The following RABEP1 variants were observed in gnomAD, a reference collection of about 807,000 sequenced individuals.
RABEP1 encodes rab GTPase-binding effector protein 1.
In RABEP1, 51 loss-of-function variants were observed where a neutral mutation model predicts 123.4. The observed-to-expected ratio is 0.41, with a 90% confidence interval of 0.33 to 0.52. The LOEUF is 0.52. RABEP1 is among the 20% of genes least tolerant of loss of function. The pLI is 0.16. For synonymous variants in RABEP1, 347 were observed against 355.2 expected (o/e 0.98, Z 0.26); for missense variants, 888 against 996.3 (o/e 0.89, Z 1.46).
In RABEP1 at chr17:5,361,401, C is replaced by G; in HGVS notation, c.1289C>G (p.Ser430Cys). Reference protein sequence around the residue: ...KALGYNYKAKSAGNLDESDFG... With the variant: ...KALGYNYKAKCAGNLDESDFG... ...TTAGGCTATAACTACAAAGCAAAAT[C>G]TGCTGGAAACCTGGACGAGTCAGAT... The change falls in exon 9 of 18, where the codon TCT becomes TGT. Residue 430 changes from serine (S) to cysteine (C), a missense_variant. Ser to Cys is a moderately radical substitution (Grantham distance 112). Coordinates refer to ENST00000537505, the MANE Select transcript of RABEP1 (RefSeq NM_004703.6). The G allele has an allele frequency of 6.2e-7, 1 of 1,614,184 alleles. No homozygotes were observed. The highest frequency in any genetic ancestry group is 8.5e-7 in the Non-Finnish European group (1 of 1,180,026).
intron 1 of RABEP1, among the ~76,000 whole-genome samples, 176 bp from the exon 2 acceptor site, chr17:5,308,518 G>T (rs975577938): frequency 1.3e-5 from 2 of 152,170 alleles, no homozygotes; most frequent in Non-Finnish European, 2.9e-5. Flanking sequence ...GAGCCACCAT[G>T]CCTGGTCTGT....
intron 5 of RABEP1, among the ~76,000 whole-genome samples, chr17:5,346,459 G>A (rs529028889): frequency 6.6e-6 from 1 of 152,292 alleles, no homozygotes; most frequent in South Asian, 2.1e-4. Context: ...CATACCTGGT[G>A]TTACTGTTAT....
At chr17:5,301,903 T>C (rs2075138230) in intron 1 of RABEP1, among the ~76,000 whole-genome samples, 1 of 152,174 alleles carries the variant, frequency 6.6e-6, no homozygotes, top group Non-Finnish European at 1.5e-5. Context: ...ATTAATCTTA[T>C]GGGATAACAA....
At chr17:5,309,618 A>C (rs2144524155) in intron 2 of RABEP1, among the ~76,000 whole-genome samples, 1 of 150,458 alleles carries the variant, frequency 6.6e-6, no homozygotes, top group South Asian at 2.1e-4. Flanking sequence ...GCGCCATTGC[A>C]CTCCAGCGTG....
intron 2 of RABEP1, among the ~76,000 whole-genome samples, chr17:5,326,322 G>A (rs1372025674): frequency 6.6e-6 from 1 of 152,140 alleles, no homozygotes; most frequent in Admixed American, 6.5e-5. Flanking sequence ...AAAGGAATGA[G>A]CTATTAAGTC....
chr17:5,308,624 T>C (rs1464597616), intron 1 of RABEP1, 70 bp from the exon 2 acceptor site: 2 of 1,392,780 alleles, frequency 1.4e-6, no homozygotes, highest in African/African-American at 1.5e-5. Context: ...ACAGCTAGAA[T>C]ACTAATTTAC....
chr17:5,377,592 T>C (rs1911107066), intron 14 of RABEP1, among the ~76,000 whole-genome samples: 2 of 148,312 alleles, frequency 1.3e-5, no homozygotes, highest in African/African-American at 5.0e-5. Flanking sequence ...AATGGCGCGA[T>C]CTTGGCTCAC....
Position 5,313,562 on chromosome 17 carries a change from C to G in RABEP1, c.163+4740C>G, listed in dbSNP as rs530972880. On this transcript the variant is annotated intron_variant, in intron 2 of 17. Coordinates refer to ENST00000537505, the MANE Select transcript of RABEP1 (RefSeq NM_004703.6). ...GAAAATGACTAAGAACCTCCCATTTCTGAAATGCATTATCAACTGCAGTTT... is the reference window on the plus strand; with the variant it reads ...GAAAATGACTAAGAACCTCCCATTTGTGAAATGCATTATCAACTGCAGTTT... Among the ~76,000 whole-genome samples the G allele has an allele frequency of 4.7e-4, 71 of 152,178 alleles. 1 individual carries two copies. Among genetic ancestry groups the G allele is most frequent in the Admixed American group, 1.2e-3 (18 of 15,274 alleles).
intron 15 of RABEP1, among the ~76,000 whole-genome samples, chr17:5,379,360 G>A (rs1257723244): frequency 2.6e-5 from 4 of 152,240 alleles, no homozygotes; most frequent in East Asian, 3.9e-4. Flanking sequence ...GCGCAGTGCC[G>A]GGCCTTGAAC....
intron 12 of RABEP1, among the ~76,000 whole-genome samples, chr17:5,368,768 A>G (rs1211371460): frequency 6.6e-6 from 1 of 152,226 alleles, no homozygotes; most frequent in Non-Finnish European, 1.5e-5. Context: ...AATAAAAGCT[A>G]AAAAATTGAA....
intron 1 of RABEP1, among the ~76,000 whole-genome samples, chr17:5,292,758 T>C (rs542305288): frequency 6.6e-6 from 1 of 152,284 alleles, no homozygotes; most frequent in Non-Finnish European, 1.5e-5. Context: ...CTTGCCCGAT[T>C]GCAATCTCTG....
intron 1 of RABEP1, among the ~76,000 whole-genome samples, chr17:5,287,258 C>A (rs887918907): frequency 2.6e-5 from 4 of 152,104 alleles, no homozygotes; most frequent in African/African-American, 9.7e-5. Context: ...AAAAAAATCA[C>A]TCTGGGCCAA....
intron 2 of RABEP1, among the ~76,000 whole-genome samples, chr17:5,310,235 C>T (rs950252150): frequency 3.4e-5 from 5 of 149,214 alleles, no homozygotes; most frequent in Non-Finnish European, 1.5e-5. Context: ...AAATTTTTTG[C>T]TTGAAAAGAT....
chr17:5,340,543 G>A (rs778137504), intron 5 of RABEP1, among the ~76,000 whole-genome samples: 1 of 151,060 alleles, frequency 6.6e-6, no homozygotes, highest in Non-Finnish European at 1.5e-5. Flanking sequence ...AGGTATTTAC[G>A]CTAAAATGAT....
intron 17 of RABEP1, chr17:5,381,710 T>C: frequency 1.3e-6 from 1 of 743,598 alleles, no homozygotes; most frequent in Non-Finnish European, 1.9e-6. Context: ...TCTGTATGCC[T>C]TGCCAATTTT....
In RABEP1 at chr17:5,369,692, T is replaced by C. The variant is rs1032808847; in HGVS notation, c.1884+1224T>C. Reference sequence around the variant, plus strand: ...CCTTCGACCCCTTGCATCTTTTTCCTTCTTGTCTTTTTTTTTTTCTTTTTT... The same window carrying C: ...CCTTCGACCCCTTGCATCTTTTTCCCTCTTGTCTTTTTTTTTTTCTTTTTT... On this transcript the variant is annotated intron_variant, in intron 12 of 17. Coordinates refer to ENST00000537505, the MANE Select transcript of RABEP1 (RefSeq NM_004703.6). Among the ~76,000 whole-genome samples the C allele has an allele frequency of 2.0e-5, 3 of 152,114 alleles. No homozygotes were observed. In the East Asian group the frequency reaches 5.8e-4, roughly 29 times the overall value.
chr17:5,330,251 T>A (rs1185228204), intron 2 of RABEP1, among the ~76,000 whole-genome samples: 1 of 152,222 alleles, frequency 6.6e-6, no homozygotes, highest in Non-Finnish European at 1.5e-5. Context: ...TGTCTGTCTT[T>A]AAGGGACTTC....
chr17:5,332,184 T>A lies in RABEP1; in HGVS notation c.367+32T>A, dbSNP rs1303786627. ...ACAGAGAAAGATCAATTTTGTGATT[T>A]TCTAAGATATCCGATTCTGATGATT... On this transcript the variant is annotated intron_variant, in intron 3 of 17. Coordinates refer to ENST00000537505, the MANE Select transcript of RABEP1 (RefSeq NM_004703.6). 1.9e-6 allele frequency: 3 copies of A among 1,577,320 alleles called. No individual in the cohort carries two copies. The African/African-American group carries it at 4.1e-5, about 21-fold the overall frequency.
intron 3 of RABEP1, among the ~76,000 whole-genome samples, chr17:5,333,840 T>C (rs1203289092): frequency 6.6e-6 from 1 of 152,220 alleles, no homozygotes; most frequent in Non-Finnish European, 1.5e-5. Context: ...TCCTTCAGTC[T>C]GCATCAGAAA....
Sources: gnomAD v4.1 joint callset for allele counts (sites outside exome capture counted in the v4.1 genomes callset) on GRCh38, gnomAD v4.1.1 for gene constraint, MANE v1.5 for transcripts, NCBI Gene and HGNC (gene_info 2026-07-23, HGNC 2026-07-21) for gene names.